WLS: variants seen among roughly 807,000 people sequenced by gnomAD.
WLS encodes the protein Wnt ligand secretion mediator.
A neutral mutation model predicts 62.8 loss-of-function variants in WLS; 23 were observed. That is an observed-to-expected ratio of 0.37 (90% CI 0.26 to 0.52). The LOEUF (loss-of-function observed/expected upper bound fraction) is 0.52, where lower values mean the gene tolerates loss of function less well. Among genes scored for constraint, WLS ranks in the 20% least tolerant of loss-of-function variants. The probability of loss-of-function intolerance (pLI) is 0.92; values close to 1 mark genes in which losing one functional copy is unlikely to be tolerated. For missense variants in WLS, 615 were observed against 697.3 expected, an observed-to-expected ratio of 0.88 and a Z score of 1.33; for synonymous variants, 246 against 244.1, an observed-to-expected ratio of 1.01 and a Z score of -0.07.
At chr1:68,218,217 T>C (rs1200574688) in intron 1 of WLS, among the ~76,000 whole-genome samples, 3 of 150,200 alleles carry the variant, frequency 2.0e-5, no homozygotes, top group Non-Finnish European at 4.5e-5. Context: ...TAACATAGAA[T>C]GGTTGTATCA....
At chr1:68,115,737 AG>A (rs1646283510) in intron 11 of WLS, among the ~76,000 whole-genome samples, 1 of 151,906 alleles carries the variant, frequency 6.6e-6, no homozygotes, top group Admixed American at 6.6e-5. Context: ...AAATTTCTGA[AG>A]GCATTTTCAA....
At chr1:68,155,321 T>C in intron 3 of WLS, 61 bp from the exon 4 acceptor site, 1 of 1,545,190 alleles carries the variant, frequency 6.5e-7, no homozygotes. Flanking sequence ...GGCTCTGAAT[T>C]CTGTTACCCT....
At chr1:68,180,549 C>G (rs1647499991) in intron 2 of WLS, among the ~76,000 whole-genome samples, 1 of 152,104 alleles carries the variant, frequency 6.6e-6, no homozygotes, top group Non-Finnish European at 1.5e-5. Context: ...TCTCAAGTAG[C>G]AGAACATGTT....
intron 11 of WLS, among the ~76,000 whole-genome samples, chr1:68,107,759 C>G (rs1323428539): frequency 6.6e-6 from 1 of 152,010 alleles, no homozygotes; most frequent in African/African-American, 2.4e-5. Flanking sequence ...TTTTTATTAC[C>G]CACATGTTAC....
intron 2 of WLS, chr1:68,186,448 C>T: frequency 2.7e-6 from 1 of 369,328 alleles, no homozygotes; most frequent in Non-Finnish European, 5.3e-6. Flanking sequence ...AACATGAAAT[C>T]TCTTCTCATT....
At chr1:68,181,933 G>A (rs950333424) in intron 2 of WLS, among the ~76,000 whole-genome samples, 4 of 152,178 alleles carry the variant, frequency 2.6e-5, no homozygotes, top group African/African-American at 9.7e-5. Flanking sequence ...CTTGGTTGAT[G>A]ATTGTTAGAC....
At chr1:68,150,706 C>A (rs1288934557) in intron 5 of WLS, among the ~76,000 whole-genome samples, 1 of 152,178 alleles carries the variant, frequency 6.6e-6, no homozygotes, top group African/African-American at 2.4e-5. Flanking sequence ...TTCAGGTTAT[C>A]ATTCATCTGA....
intron 11 of WLS, among the ~76,000 whole-genome samples, chr1:68,128,317 G>T (rs901285556): frequency 1.3e-5 from 2 of 152,180 alleles, no homozygotes; most frequent in Non-Finnish European, 2.9e-5. Context: ...GCAACATCTA[G>T]TCCACACCTC....
At chr1:68,169,830 T>C (rs186758789) in intron 2 of WLS, among the ~76,000 whole-genome samples, 5 of 152,244 alleles carry the variant, frequency 3.3e-5, no homozygotes, top group Non-Finnish European at 7.3e-5. Context: ...TAAGGTGTTA[T>C]GTAGCAGCCT....
intron 2 of WLS, among the ~76,000 whole-genome samples, chr1:68,164,185 G>T (rs987109623): frequency 6.6e-6 from 1 of 151,834 alleles, no homozygotes; most frequent in African/African-American, 2.4e-5. Context: ...GACAAAGACA[G>T]TAAAAAGAAA....
chr1:68,100,062 T>TAC (rs1646057106), intron 11 of WLS, among the ~76,000 whole-genome samples: 1 of 152,258 alleles, frequency 6.6e-6, no homozygotes, highest in Non-Finnish European at 1.5e-5. Context: ...AAACAGTTTT[T>TAC]ACCAGCAGTT....
At chr1:68,211,345 A>G (rs1649507330) in intron 1 of WLS, among the ~76,000 whole-genome samples, 1 of 152,088 alleles carries the variant, frequency 6.6e-6, no homozygotes, top group African/African-American at 2.4e-5. Context: ...GTGCTAAAAA[A>G]ATGACAGGTT....
rs1646632907 is a variant in WLS, at chr1:68,137,859, C to T, written c.1437G>A (p.Gly479=). ...VNSAFFTGIY[G]MWNLYVFALM... is the part of the protein sequence containing the mutation. ...GAGCAAAGACATACAGATTCCACAT[C>T]CCATAGATGCCTGTGAAAAAGGCAC... Residue 479 remains glycine, a synonymous_variant, in exon 11 of 12, where the codon GGG becomes GGA. Transcript: ENST00000262348. The T allele has an allele frequency of 1.2e-6, 2 of 1,613,898 alleles. No individual in the cohort carries two copies. The highest frequency in any genetic ancestry group is 2.2e-5 in the South Asian group (2 of 91,076).
At chr1:68,147,285 C>G (rs1303632991) in intron 8 of WLS, among the ~76,000 whole-genome samples, 1 of 152,106 alleles carries the variant, frequency 6.6e-6, no homozygotes, top group African/African-American at 2.4e-5. Context: ...TGTTGTGCAG[C>G]TAACATTTGG....
At chr1:68,170,380 C>G (rs1159581647) in intron 2 of WLS, among the ~76,000 whole-genome samples, 1 of 151,856 alleles carries the variant, frequency 6.6e-6, no homozygotes, top group East Asian at 1.9e-4. Context: ...GTTGGTCAGG[C>G]TGGTCTTGAA....
chr1:68,171,093 C>T (rs748351080), intron 2 of WLS, among the ~76,000 whole-genome samples: 25 of 139,276 alleles, frequency 1.8e-4, no homozygotes, highest in Non-Finnish European at 3.5e-4. Context: ...TGCACACACA[C>T]CCCTGAAATC....
chr1:68,228,674 G>A (rs1257686606), intron 1 of WLS, among the ~76,000 whole-genome samples: 1 of 151,458 alleles, frequency 6.6e-6, no homozygotes, highest in East Asian at 1.9e-4. Flanking sequence ...GATGTATTTA[G>A]AATAGTAGAT....
chr1:68,126,384 C>G (rs1646431743), intron 11 of WLS, 49 bp from the exon 12 acceptor site: 2 of 1,609,014 alleles, frequency 1.2e-6, no homozygotes, highest in Non-Finnish European at 1.7e-6. Context: ...GAAGGAGAAG[C>G]AAGCTGGGGT....
At chr1:68,230,954 C>A (rs1650383413) in intron 1 of WLS, among the ~76,000 whole-genome samples, 1 of 152,194 alleles carries the variant, frequency 6.6e-6, no homozygotes, top group Non-Finnish European at 1.5e-5. Flanking sequence ...CGGGCGTTTT[C>A]CCCGCACCCC....
Sources: allele counts gnomAD v4.1 joint callset (sites outside exome capture counted in the v4.1 genomes callset), GRCh38; gene constraint gnomAD v4.1.1; transcripts MANE v1.5; gene names NCBI Gene and HGNC (gene_info 2026-07-23, HGNC 2026-07-21).